Variants in ZFHX3 observed in about 807,000 individuals in gnomAD.
The protein encoded by ZFHX3 is zinc finger homeobox protein 3.
In ZFHX3, 42 loss-of-function variants were observed where a neutral mutation model predicts 279.1. That is an observed-to-expected ratio of 0.15 (90% CI 0.12 to 0.19). The LOEUF (loss-of-function observed/expected upper bound fraction) is 0.19, where lower values mean the gene tolerates loss of function less well. ZFHX3 is among the 10% of genes least tolerant of loss of function. ZFHX3 has a pLI of 1.00. For synonymous variants in ZFHX3, 2,293 were observed against 1,957.8 expected, an observed-to-expected ratio of 1.17 and a Z score of -4.52; for missense variants, 4,981 against 4,754.0, an observed-to-expected ratio of 1.05 and a Z score of -1.40.
At chr16:73,296,085 T>A (rs1029608481) in intron 4 of ZFHX3, among the ~76,000 whole-genome samples, 1 of 151,934 alleles carries the variant, frequency 6.6e-6, no homozygotes, top group South Asian at 2.1e-4. Context: ...TGTGTGTGTG[T>A]GTGTGTGTGT....
At chr16:72,998,770 C>T (rs1963384627) in intron 1 of ZFHX3, among the ~76,000 whole-genome samples, 2 of 152,230 alleles carry the variant, frequency 1.3e-5, no homozygotes, top group Admixed American at 1.3e-4. Flanking sequence ...AGACTCTTTC[C>T]CACGGCATTA....
Position 72,862,297 on chromosome 16 carries a change from C to T in ZFHX3, c.3448+27434G>A, listed in dbSNP as rs117808238. Among the ~76,000 whole-genome samples, 4 of 152,346 alleles carry T rather than the reference C, an allele frequency of 2.6e-5. No individual in the cohort carries two copies. The East Asian group carries it at 7.7e-4, about 29-fold the overall frequency. ...CAATTGCACTGGCCTACCTTCTGCC[C>T]CAGGGCCTTTGCACCAACCAGGCCC... is the stretch of plus-strand genomic sequence containing the variant. On this transcript the variant is annotated intron_variant, in intron 4 of 9. Transcript: ENST00000268489.
intron 2 of ZFHX3, among the ~76,000 whole-genome samples, chr16:73,497,583 T>A (rs1163268669): frequency 6.6e-6 from 1 of 151,960 alleles, no homozygotes; most frequent in East Asian, 1.9e-4. Flanking sequence ...GGCAGGAAGA[T>A]CACTTGAGCC....
chr16:72,943,789 C>T (rs141072858), intron 3 of ZFHX3, among the ~76,000 whole-genome samples: 2 of 152,216 alleles, frequency 1.3e-5, no homozygotes, highest in Admixed American at 6.5e-5. Context: ...ACCCAACAAC[C>T]CCACTTCATG....
At chr16:73,702,127 A>G (rs549689959) in intron 1 of ZFHX3, among the ~76,000 whole-genome samples, 2 of 152,198 alleles carry the variant, frequency 1.3e-5, no homozygotes, top group South Asian at 4.2e-4. Flanking sequence ...TTAAGTTCAG[A>G]GTCTGCTTTA....
intron 5 of ZFHX3, among the ~76,000 whole-genome samples, chr16:73,255,244 T>C (rs1041540732): frequency 5.9e-5 from 9 of 152,234 alleles, no homozygotes; most frequent in Non-Finnish European, 1.2e-4. Context: ...TCATAAATGC[T>C]AAATGATAAC....
chr16:72,881,418 T>C (rs940829177), intron 4 of ZFHX3, among the ~76,000 whole-genome samples: 6 of 152,114 alleles, frequency 3.9e-5, no homozygotes, highest in Admixed American at 3.9e-4. Flanking sequence ...ATTCTTATAA[T>C]TGGGTCACAG....
chr16:73,590,140 G>A (rs58567382), intron 2 of ZFHX3, among the ~76,000 whole-genome samples: 30,679 of 152,088 alleles, frequency 0.2, 3,471 homozygotes, highest in Non-Finnish European at 0.25. Flanking sequence ...TAGAGGTGAC[G>A]TAGGTGAGTA....
At chr16:73,525,960 C>T (rs1458754712) in intron 2 of ZFHX3, among the ~76,000 whole-genome samples, 1 of 152,134 alleles carries the variant, frequency 6.6e-6, no homozygotes, top group African/African-American at 2.4e-5. Context: ...GCCTTAATGA[C>T]AAAGCTTTTA....
intron 3 of ZFHX3, among the ~76,000 whole-genome samples, chr16:73,381,780 A>G (rs2016821807): frequency 6.6e-6 from 1 of 152,256 alleles, no homozygotes; most frequent in Non-Finnish European, 1.5e-5. Context: ...AAGTAAATAA[A>G]TAAAAAATAA....
chr16:72,787,724 C>CGCCGCCGCCGCCACT lies in ZFHX3; in HGVS notation c.10537_10551dup (p.Ser3513_Gly3517dup), dbSNP rs761275974. On this transcript the variant is annotated inframe_insertion, in exon 10 of 10. Transcript: ENST00000268489. The stretch of plus-strand genomic sequence containing the variant: ...CCGCCGCCGCCGCCGCCGCCACCGC[C>CGCCGCCGCCGCCACT]GCCGCCGCCGCCACTGCCACCGCCG... 5.7e-6 allele frequency: 8 copies of CGCCGCCGCCGCCACT among 1,394,126 alleles called. No individual in the cohort carries two copies. Among genetic ancestry groups the CGCCGCCGCCGCCACT allele is most frequent in the South Asian group, 4.1e-5 (2 of 49,058 alleles). 86.4% of individuals were successfully genotyped at this position (1,394,126 alleles called of 1,614,324 possible). A position where few individuals can be genotyped will look rare whatever the true frequency, so the allele number is the denominator to read the frequency against.
intron 1 of ZFHX3, among the ~76,000 whole-genome samples, chr16:73,777,029 G>C (rs1439451278): frequency 6.6e-6 from 1 of 152,188 alleles, no homozygotes; most frequent in Non-Finnish European, 1.5e-5. Context: ...TGAACGTAGA[G>C]GAGGTATTGC....
At chr16:73,481,607 CGTG>C (rs1264267251) in intron 2 of ZFHX3, among the ~76,000 whole-genome samples, 1 of 148,284 alleles carries the variant, frequency 6.7e-6, no homozygotes, top group Non-Finnish European at 1.5e-5. Context: ...GGTTAATGTG[CGTG>C]GTGTTGTTTT....
chr16:73,136,725 CAAAAA>C (rs397855836), intron 6 of ZFHX3, among the ~76,000 whole-genome samples: 3 of 41,620 alleles, frequency 7.2e-5, no homozygotes, highest in African/African-American at 9.7e-5. Flanking sequence ...GACTCTGCCT[CAAAAA>C]AAAAAAAAAA....
chr16:73,112,597 C>G (rs111773996), intron 7 of ZFHX3, among the ~76,000 whole-genome samples: 2,229 of 151,262 alleles, frequency 0.015, 60 homozygotes, highest in African/African-American at 0.051. Context: ...TCTGTAATCC[C>G]AGCTACTCGG....
rs541969762 is a variant in ZFHX3 at position 73,417,296 on chromosome 16, G to T, written c.-1291+38707C>A. On this transcript the variant is annotated intron_variant, in intron 3 of 17. Transcript: ENST00000641206. Reference sequence around the variant, plus strand: ...ATTTAGGATTGTGGATAGGATCCAAGAAACAGGACGTGAGTGAAAACACCG... The same window carrying T: ...ATTTAGGATTGTGGATAGGATCCAATAAACAGGACGTGAGTGAAAACACCG... Among the ~76,000 whole-genome samples, 5 of 151,718 alleles carry T rather than the reference G, an allele frequency of 3.3e-5. No individual in the cohort carries two copies. In the East Asian group the frequency reaches 5.8e-4, roughly 18 times the overall value.
At chr16:73,341,336 A>G (rs576261325) in intron 3 of ZFHX3, among the ~76,000 whole-genome samples, 1 of 152,236 alleles carries the variant, frequency 6.6e-6, no homozygotes, top group African/African-American at 2.4e-5. Flanking sequence ...GCAAGACTCC[A>G]TCTCAAAATA....
intron 2 of ZFHX3, among the ~76,000 whole-genome samples, chr16:73,535,506 T>C (rs912515037): frequency 2.6e-5 from 4 of 152,108 alleles, no homozygotes; most frequent in Non-Finnish European, 2.9e-5. Context: ...GTTTTCCACA[T>C]TGCTGGAGTA....
chr16:73,434,208 A>G (rs966161898), intron 3 of ZFHX3, among the ~76,000 whole-genome samples: 3 of 152,208 alleles, frequency 2.0e-5, no homozygotes, highest in Admixed American at 6.5e-5. Flanking sequence ...TCTTCTTATC[A>G]TAATATTGAA....
Sources: allele counts gnomAD v4.1 joint callset (sites outside exome capture counted in the v4.1 genomes callset), GRCh38; gene constraint gnomAD v4.1.1; transcripts MANE v1.5; gene names NCBI Gene and HGNC (gene_info 2026-07-23, HGNC 2026-07-21).